DMD: variants seen among roughly 807,000 people sequenced by gnomAD.
The protein encoded by DMD is dystrophin, also known as mutant dystrophin.
Under a neutral mutation model 330.1 loss-of-function variants are expected in DMD, and 63 were observed. That is an observed-to-expected ratio of 0.19 (90% confidence interval 0.16 to 0.24). DMD has a LOEUF of 0.24. Ranked by LOEUF, DMD falls within the 10% of genes least tolerant of loss-of-function variation. The pLI is 1.00. For synonymous variants in DMD, 1,223 were observed against 959.8 expected (o/e 1.27, Z -5.07); for missense variants, 3,344 against 2,684.1 (o/e 1.25, Z -5.43).
chrX:31,257,805 T>C (rs187003524), intron 63 of DMD, among the ~76,000 whole-genome samples: 61 of 111,693 alleles, frequency 5.5e-4, no homozygotes, highest in Admixed American at 4.2e-3. Context: ...ATTAGCTGGG[T>C]ATGGTGGCGG....
intron 44 of DMD, among the ~76,000 whole-genome samples, chrX:32,107,731 T>C (rs1385728022): frequency 2.7e-5 from 3 of 111,070 alleles, no homozygotes; most frequent in Non-Finnish European, 5.7e-5. Flanking sequence ...CCAATTTAAA[T>C]GTTAATCTCA....
intron 52 of DMD, among the ~76,000 whole-genome samples, chrX:31,704,388 C>T (rs1475968445): frequency 9.1e-6 from 1 of 110,304 alleles, no homozygotes; most frequent in African/African-American, 3.3e-5. Flanking sequence ...CATATGGCTA[C>T]GAAATACAGG....
chrX:32,295,722 T>G (rs1202611513), intron 42 of DMD, among the ~76,000 whole-genome samples: 1 of 111,978 alleles, frequency 8.9e-6, no homozygotes, highest in East Asian at 2.8e-4. Flanking sequence ...TGCCAACTAA[T>G]CAGTTTAAGA....
intron 1 of DMD, among the ~76,000 whole-genome samples, chrX:33,170,343 G>C (rs1603381509): frequency 1.2e-5 from 1 of 85,418 alleles, no homozygotes. Flanking sequence ...TGCTTGGACA[G>C]ACAAATGTAA....
intron 48 of DMD, among the ~76,000 whole-genome samples, chrX:31,865,334 G>A (rs2093779177): frequency 8.9e-6 from 1 of 112,016 alleles, no homozygotes; most frequent in African/African-American, 3.2e-5. Flanking sequence ...TTTTTGTCCA[G>A]TAACTGTCAT....
At chrX:31,629,178 A>G (rs1053277848) in intron 54 of DMD, among the ~76,000 whole-genome samples, 2 of 111,657 alleles carry the variant, frequency 1.8e-5, no homozygotes, top group Non-Finnish European at 3.8e-5. Flanking sequence ...AAAATTGAAC[A>G]CTTGAATATG....
chrX:32,687,591 A>T (rs2062976487), intron 9 of DMD, among the ~76,000 whole-genome samples: 1 of 111,017 alleles, frequency 9.0e-6, no homozygotes, highest in Admixed American at 9.7e-5. Context: ...GGCCACATAT[A>T]CATGTTCCAG....
At chrX:31,409,959 C>T (rs2061565894) in intron 60 of DMD, among the ~76,000 whole-genome samples, 1 of 111,145 alleles carries the variant, frequency 9.0e-6, no homozygotes. Flanking sequence ...GCTGGGATTA[C>T]AGGCGCCCGC....
chrX:32,775,909 C>A lies in DMD; in HGVS notation c.649+33584G>T, dbSNP rs186541707. Among the ~76,000 whole-genome samples the A allele has an allele frequency of 3.5e-5, 4 of 112,681 alleles. No individual in the cohort carries two copies. The East Asian group carries it at 1.1e-3, about 31-fold the overall frequency. On this transcript the variant is annotated intron_variant, in intron 7 of 78. Transcript: ENST00000357033. ...TGCAAATTTTCCAAACTTTTATGCT[C>A]TGCTTTCCTTTTAAAGAAAAGTTCC... is the stretch of plus-strand genomic sequence containing the variant.
At chrX:32,524,946 A>G (rs1197685007) in intron 17 of DMD, among the ~76,000 whole-genome samples, 1 of 111,998 alleles carries the variant, frequency 8.9e-6, no homozygotes, top group East Asian at 2.8e-4. Flanking sequence ...TCTAAGGAAA[A>G]TAACCTATTC....
At chrX:32,288,313 T>C (rs776041548) in intron 42 of DMD, among the ~76,000 whole-genome samples, 3 of 112,002 alleles carry the variant, frequency 2.7e-5, no homozygotes, top group African/African-American at 9.7e-5. Flanking sequence ...ATTATAGTAA[T>C]TCAATTAACA....
chrX:32,835,912 G>T (rs760297057), intron 4 of DMD, among the ~76,000 whole-genome samples: 3 of 111,008 alleles, frequency 2.7e-5, no homozygotes, highest in African/African-American at 9.8e-5. Flanking sequence ...AATTTTGAGT[G>T]ATTTTTTTAA....
intron 43 of DMD, among the ~76,000 whole-genome samples, chrX:32,250,978 G>T (rs2097261201): frequency 9.1e-6 from 1 of 109,843 alleles, no homozygotes; most frequent in Non-Finnish European, 1.9e-5. Context: ...ACTCGTAAGT[G>T]GGAGTGGAAC....
intron 45 of DMD, among the ~76,000 whole-genome samples, chrX:31,932,767 C>T (rs1257688680): frequency 3.6e-5 from 4 of 110,576 alleles, no homozygotes; most frequent in East Asian, 5.6e-4. Context: ...TACATACGTA[C>T]GTACATACAT....
chrX:32,874,357 C>CA (rs1251121882), intron 2 of DMD, among the ~76,000 whole-genome samples: 1 of 111,800 alleles, frequency 8.9e-6, no homozygotes, highest in Non-Finnish European at 1.9e-5. Context: ...AATGAACGGT[C>CA]AGCATGAGCC....
At chrX:31,788,105 T>G (rs1406164301) in intron 50 of DMD, among the ~76,000 whole-genome samples, 2 of 112,366 alleles carry the variant, frequency 1.8e-5, no homozygotes, top group East Asian at 5.6e-4. Flanking sequence ...ACAGTTTTGA[T>G]GCACATACTT....
chrX:33,028,170 A>T (rs1042499764), intron 1 of DMD, among the ~76,000 whole-genome samples: 3 of 111,936 alleles, frequency 2.7e-5, no homozygotes, highest in African/African-American at 9.7e-5. Context: ...AGAAGTAAGC[A>T]TGACTTGCAT....
intron 1 of DMD, among the ~76,000 whole-genome samples, chrX:33,121,138 A>T (rs2095421873): frequency 9.0e-6 from 1 of 110,642 alleles, no homozygotes; most frequent in Admixed American, 9.7e-5. Context: ...ATTGCCATTT[A>T]TCAATATGTA....
intron 22 of DMD, among the ~76,000 whole-genome samples, chrX:32,471,404 C>G (rs1467200705): frequency 8.9e-6 from 1 of 111,935 alleles, no homozygotes; most frequent in Non-Finnish European, 1.9e-5. Context: ...ATTCAAATGT[C>G]TCATTACATT....
Sources: allele counts gnomAD v4.1 joint callset (sites outside exome capture counted in the v4.1 genomes callset), GRCh38; gene constraint gnomAD v4.1.1; transcripts MANE v1.5; gene names NCBI Gene and HGNC (gene_info 2026-07-23, HGNC 2026-07-21).